The following ARMC7 variants were observed in gnomAD, a reference collection of about 807,000 sequenced individuals.
The protein encoded by ARMC7 is armadillo repeat-containing protein 7.
A neutral mutation model predicts 14.8 loss-of-function variants in ARMC7; 9 were observed. The ratio of observed to expected loss-of-function variants is 0.61; its 90% CI spans 0.37 to 1.06. The LOEUF (loss-of-function observed/expected upper bound fraction) is 1.06, where lower values mean the gene tolerates loss of function less well. Ranked by LOEUF, ARMC7 falls within the 50% of genes least tolerant of loss-of-function variation. ARMC7 has a pLI of 0.01. For missense variants in ARMC7, 262 were observed against 267.1 expected (o/e 0.98, Z 0.13); for synonymous variants, 125 against 123.4 (o/e 1.01, Z -0.09).
chr17:75,124,863 G>A (rs868267306), intron 2 of ARMC7, among the ~76,000 whole-genome samples: 6 of 152,218 alleles, frequency 3.9e-5, no homozygotes, highest in African/African-American at 7.2e-5. Flanking sequence ...TGTCCAGTGC[G>A]TGCTCAGTGA....
chr17:75,118,417 T>C (rs1254673070), intron 2 of ARMC7, among the ~76,000 whole-genome samples: 1 of 152,108 alleles, frequency 6.6e-6, no homozygotes, highest in Non-Finnish European at 1.5e-5. Flanking sequence ...GCAGTGGAAC[T>C]ACAGTGGCAG....
intron 2 of ARMC7, among the ~76,000 whole-genome samples, chr17:75,112,742 ATT>A (rs10577593): frequency 0.5 from 72,519 of 146,380 alleles, 21,576 homozygotes; most frequent in South Asian, 0.66. Context: ...TGCCCAGCTA[ATT>A]TTTTTTTTTT....
intron 2 of ARMC7, 22 bp downstream of exon 2, chr17:75,110,628 T>C (rs1336841553): frequency 6.2e-7 from 1 of 1,613,570 alleles, no homozygotes; most frequent in Non-Finnish European, 8.5e-7. Context: ...GCCCGTTCCC[T>C]AGATGCCTAA....
rs760492493 is a variant in ARMC7, at chr17:75,110,389, A to G, written c.91+10A>G. 9.9e-6 allele frequency: 16 copies of G among 1,614,140 alleles called. 1 individual carries two copies. In the South Asian group the frequency reaches 1.8e-4, roughly 18 times the overall value. On this transcript the variant is annotated intron_variant, in intron 1 of 2. Transcript: ENST00000245543. ...GAGACCCAAAGCCAAGGTGAGAGCC[A>G]CGGTGGGATCAGGTGGCAGGGTCCG...
chr17:75,113,007 TTTTTATTTTATTTTATTTTA>T (rs71159435), intron 2 of ARMC7, among the ~76,000 whole-genome samples: 1 of 149,046 alleles, frequency 6.7e-6, no homozygotes, highest in African/African-American at 2.5e-5. Flanking sequence ...AATAACACAT[TTTTTATTTTATTTTATTTTA>T]TTTTATTTTA....
At chr17:75,128,612 C>CGGGCAGGGGAGGTGGGAGGA in intron 2 of ARMC7, 65 bp from the exon 3 acceptor site, 1 of 1,548,116 alleles carries the variant, frequency 6.5e-7, no homozygotes, top group Non-Finnish European at 8.7e-7. Flanking sequence ...CTGGGGCTCA[C>CGGGCAGGGGAGGTGGGAGGA]GGGCAGGGGA....
At chr17:75,123,574 T>C (rs1390408309) in intron 2 of ARMC7, among the ~76,000 whole-genome samples, 1 of 152,030 alleles carries the variant, frequency 6.6e-6, no homozygotes, top group Non-Finnish European at 1.5e-5. Flanking sequence ...AGGACGGTCT[T>C]GATCTCCTAA....
intron 2 of ARMC7, among the ~76,000 whole-genome samples, chr17:75,123,951 T>C (rs1006428610): frequency 6.6e-6 from 1 of 152,178 alleles, no homozygotes; most frequent in Admixed American, 6.5e-5. Flanking sequence ...CATATGCATG[T>C]ACCATAATTT....
In ARMC7 at chr17:75,110,076, A is replaced by C. The variant is rs970704183; in HGVS notation, c.-213A>C. On this transcript the variant is annotated 5_prime_UTR_variant, in exon 1 of 3. Coordinates refer to ENST00000245543, the MANE Select transcript of ARMC7 (RefSeq NM_024585.4). ...GCCCCAATTTCGATTTTCAAACGCA[A>C]CTCCTACAGGATTCTGAGACCCCGT... is the stretch of plus-strand genomic sequence containing the variant. 1 of 540,984 alleles carries C rather than the reference A, an allele frequency of 1.8e-6. No individual in the cohort carries two copies. The highest frequency in any genetic ancestry group is 3.2e-6 in the Non-Finnish European group (1 of 308,930). The allele number at this position is 540,984 out of a possible 1,614,324, so 33.5% of individuals were successfully genotyped here.
At position 75,122,502 on chromosome 17, in the gene ARMC7, C is replaced by T. The variant is rs552714723; in HGVS notation, c.236-6175C>T. Among the ~76,000 whole-genome samples the T allele has an allele frequency of 1.3e-4, 19 of 151,678 alleles. No individual in the cohort carries two copies. The East Asian group carries it at 2.2e-3, about 17-fold the overall frequency. ...TCAGCTTCTCGAGTAGCTGGGACTA[C>T]GGGCGTGTGCCACCACGCCCAGCTA... On this transcript the variant is annotated intron_variant, in intron 2 of 2. Coordinates refer to ENST00000245543, the MANE Select transcript of ARMC7 (RefSeq NM_024585.4).
At chr17:75,112,639 G>C (rs1165552228) in intron 2 of ARMC7, among the ~76,000 whole-genome samples, 1 of 137,448 alleles carries the variant, frequency 7.3e-6, no homozygotes, top group African/African-American at 2.8e-5. Context: ...GCAGTGGTGT[G>C]ATCATAGCTC....
At chr17:75,113,363 T>A (rs1271422085) in intron 2 of ARMC7, among the ~76,000 whole-genome samples, 3 of 146,024 alleles carry the variant, frequency 2.1e-5, no homozygotes, top group Non-Finnish European at 4.5e-5. Flanking sequence ...ATTTATTTAT[T>A]TTTTTTTTTG....
chr17:75,122,764 G>A (rs1011485342), intron 2 of ARMC7, among the ~76,000 whole-genome samples: 5 of 152,116 alleles, frequency 3.3e-5, no homozygotes, highest in Non-Finnish European at 7.4e-5. Context: ...AGACAAGGCA[G>A]AGTCCCCATT....
chr17:75,125,553 C>G (rs571205546), intron 2 of ARMC7, among the ~76,000 whole-genome samples: 15 of 152,116 alleles, frequency 9.9e-5, no homozygotes, highest in Non-Finnish European at 8.8e-5. Flanking sequence ...ATAATGTTCC[C>G]CCAGCTGGGC....
rs1024128173 is a variant in ARMC7, at chr17:75,129,875, C to G, written c.*837C>G. ...GGGGAGCCCTACCCCAGAAGTGTATCCCACGAGGGCATCAGGGACGCAGTG... is the reference window on the plus strand; with the variant it reads ...GGGGAGCCCTACCCCAGAAGTGTATGCCACGAGGGCATCAGGGACGCAGTG... On this transcript the variant is annotated 3_prime_UTR_variant, in exon 3 of 3. Coordinates refer to ENST00000245543, the MANE Select transcript of ARMC7 (RefSeq NM_024585.4). 1 of 152,644 alleles carries G rather than the reference C, an allele frequency of 6.6e-6. No homozygotes were observed. Among genetic ancestry groups the G allele is most frequent in the Non-Finnish European group, 1.5e-5 (1 of 68,414 alleles). The allele number at this position is 152,644 out of a possible 1,614,324, so 9.5% of individuals were successfully genotyped here.
At chr17:75,119,929 G>C (rs2074001721) in intron 2 of ARMC7, among the ~76,000 whole-genome samples, 1 of 151,832 alleles carries the variant, frequency 6.6e-6, no homozygotes, top group Admixed American at 6.6e-5. Context: ...TTTTGAGATG[G>C]AGTCTCGCCC....
chr17:75,113,420 T>A lies in ARMC7; in HGVS notation c.235+2814T>A, dbSNP rs576543120. On this transcript the variant is annotated intron_variant, in intron 2 of 2. Coordinates refer to ENST00000245543, the MANE Select transcript of ARMC7 (RefSeq NM_024585.4). The stretch of plus-strand genomic sequence containing the variant: ...CCCAGGCTGGAGTGCAGTGGCGCGA[T>A]CTCGGCTCACTGCAAGCTCCGCCTC... Among the ~76,000 whole-genome samples, 7 of 151,728 alleles carry A rather than the reference T, an allele frequency of 4.6e-5. No individual in the cohort carries two copies. In the South Asian group the frequency reaches 1.5e-3, roughly 32 times the overall value.
intron 2 of ARMC7, chr17:75,114,357 G>C (rs1427519907): frequency 2.5e-6 from 1 of 398,452 alleles, no homozygotes; most frequent in Non-Finnish European, 4.4e-6. Context: ...TCAGGGTCAG[G>C]AAGCAACTTT....
rs796616194 is a variant in ARMC7 at position 75,119,455 on chromosome 17, T to TTTTTG, written c.235+8853_235+8854insGTTTT. ...AATACCCTGTGATACAGTTTTTTCT[T>TTTTTG]TTTTTTTTTTTGAGACGGAGTTTCG... On this transcript the variant is annotated intron_variant, in intron 2 of 2. Coordinates refer to ENST00000245543, the MANE Select transcript of ARMC7 (RefSeq NM_024585.4). Among the ~76,000 whole-genome samples the TTTTTG allele has an allele frequency of 1.1e-4, 16 of 148,958 alleles. No individual in the cohort carries two copies. In the East Asian group the frequency reaches 3.1e-3, roughly 29 times the overall value.
Sources: gnomAD v4.1 joint callset for allele counts (sites outside exome capture counted in the v4.1 genomes callset) on GRCh38, gnomAD v4.1.1 for gene constraint, MANE v1.5 for transcripts, NCBI Gene and HGNC (gene_info 2026-07-23, HGNC 2026-07-21) for gene names.